The following EPM2A variants were observed in gnomAD, a reference collection of about 807,000 sequenced individuals.
The protein encoded by EPM2A is EPM2A glucan phosphatase, laforin.
A neutral mutation model predicts 26.5 loss-of-function variants in EPM2A; 21 were observed. The ratio of observed to expected loss-of-function variants is 0.79; its 90% confidence interval spans 0.56 to 1.14. The LOEUF is 1.14. EPM2A is among the 50% of genes most tolerant of loss of function. The pLI, the probability that EPM2A is intolerant of heterozygous loss-of-function variation, is 0.00. For synonymous variants in EPM2A, 217 were observed against 177.6 expected, an observed-to-expected ratio of 1.22 and a Z score of -1.76; for missense variants, 458 against 440.8, an observed-to-expected ratio of 1.04 and a Z score of -0.35.
At chr6:145,438,737 G>C (rs1217971003) in intron 4 of EPM2A, among the ~76,000 whole-genome samples, 2 of 152,146 alleles carry the variant, frequency 1.3e-5, no homozygotes, top group Non-Finnish European at 2.9e-5. Flanking sequence ...CTCCCAAAGT[G>C]CTGGGATTAC....
At chr6:145,680,996 A>G (rs1368554330) in intron 2 of EPM2A, among the ~76,000 whole-genome samples, 2 of 151,822 alleles carry the variant, frequency 1.3e-5, no homozygotes, top group Non-Finnish European at 2.9e-5. Flanking sequence ...GAACTAGTTT[A>G]CAGTCCCACC....
Position 145,626,512 on chromosome 6 carries a change from A to G in EPM2A, c.*904T>C. 1.0e-6 allele frequency: 1 copy of G among 985,918 alleles called. No homozygotes were observed. The highest frequency in any genetic ancestry group is 5.2e-4 in the Middle Eastern group (1 of 1,914). The allele number at this position is 985,918 out of a possible 1,614,324, so 61.1% of individuals were successfully genotyped here. A position where few individuals can be genotyped will look rare whatever the true frequency, so the allele number is the denominator to read the frequency against. ...TGGCAACTGATCAGAATACTATTCT[A>G]TGTCTCGCTATAGAAACTCCTGCAG... On this transcript the variant is annotated 3_prime_UTR_variant, in exon 4 of 4. Coordinates refer to ENST00000367519, the MANE Select transcript of EPM2A (RefSeq NM_005670.4).
Position 145,626,602 on chromosome 6 carries a change from T to C in EPM2A, c.*814A>G. On this transcript the variant is annotated 3_prime_UTR_variant, in exon 4 of 4. Coordinates refer to ENST00000367519, the MANE Select transcript of EPM2A (RefSeq NM_005670.4). Reference sequence around the variant, plus strand: ...ACTACATGATGCTGGGAAAACAAGTTGTGATGAAAACAGTGCTGAGTCAAA... The same window carrying C: ...ACTACATGATGCTGGGAAAACAAGTCGTGATGAAAACAGTGCTGAGTCAAA... The C allele has an allele frequency of 1.0e-6, 1 of 985,354 alleles. No homozygotes were observed. The highest frequency in any genetic ancestry group is 1.2e-6 in the Non-Finnish European group (1 of 829,574). The allele number at this position is 985,354 out of a possible 1,614,324, so 61.0% of individuals were successfully genotyped here.
rs560597653 is a variant in EPM2A, at chr6:145,395,343, C to T, written c.556-11246G>A. On this transcript the variant is annotated intron_variant, in intron 4 of 4. Coordinates refer to the EPM2A transcript ENST00000638717. ...TGGGACACCCAAATTATGATCTCCC[C>T]TTTTCCCTTTTTGTCCCAAAACAAG... is the stretch of plus-strand genomic sequence containing the variant. 2.6e-5 allele frequency among the ~76,000 whole-genome samples: 4 copies of T among 152,264 alleles called. No individual in the cohort carries two copies. The East Asian group carries it at 7.8e-4, about 30-fold the overall frequency.
chr6:145,544,206 C>T (rs1780552329), intron 2 of EPM2A, among the ~76,000 whole-genome samples: 1 of 152,118 alleles, frequency 6.6e-6, no homozygotes, highest in Non-Finnish European at 1.5e-5. Flanking sequence ...TAACCTCCAT[C>T]AGAAAGGCCA....
At chr6:145,638,491 C>T (rs975355815) in intron 2 of EPM2A, 2 of 152,190 alleles carry the variant, frequency 1.3e-5, no homozygotes, top group African/African-American at 4.8e-5. Context: ...AGTAGCTTAA[C>T]ACATATATCT....
At chr6:145,588,671 T>C (rs979397350) in intron 2 of EPM2A, among the ~76,000 whole-genome samples, 1 of 152,246 alleles carries the variant, frequency 6.6e-6, no homozygotes, top group Non-Finnish European at 1.5e-5. Context: ...TCATTCAAAC[T>C]ATTTTTGAGC....
chr6:145,548,546 C>T (rs1780614572), intron 2 of EPM2A, among the ~76,000 whole-genome samples: 1 of 151,988 alleles, frequency 6.6e-6, no homozygotes, highest in African/African-American at 2.4e-5. Context: ...AGGTCTAATT[C>T]CAGAATACAT....
intron 4 of EPM2A, among the ~76,000 whole-genome samples, chr6:145,386,112 A>G (rs1173398997): frequency 6.6e-6 from 1 of 152,192 alleles, no homozygotes; most frequent in Non-Finnish European, 1.5e-5. Flanking sequence ...AATAAAAAAA[A>G]GATTTTAGGG....
chr6:145,393,633 C>G (rs1778366258), intron 4 of EPM2A, among the ~76,000 whole-genome samples: 1 of 151,998 alleles, frequency 6.6e-6, no homozygotes, highest in African/African-American at 2.4e-5. Flanking sequence ...CAAATAGATA[C>G]TGGGGCCACT....
intron 2 of EPM2A, among the ~76,000 whole-genome samples, chr6:145,611,938 T>C (rs55813779): frequency 0.067 from 10,208 of 152,222 alleles, 1,148 homozygotes; most frequent in African/African-American, 0.23. Flanking sequence ...ACTCTATTCT[T>C]GCTTAATGAT....
chr6:145,735,279 C>T lies in EPM2A; in HGVS notation c.220G>A (p.Asp74Asn). The change falls in exon 1 of 4, where the codon GAC (aspartate) becomes AAC (asparagine). Residue 74 changes from aspartate (D) to asparagine (N), a missense_variant. Asp to Asn is a conservative substitution (Grantham distance 23, BLOSUM62 1). Coordinates refer to ENST00000367519, the MANE Select transcript of EPM2A (RefSeq NM_005670.4). ...VELAAEEAAQ[D>N]GAEPGRVDTF... ...TCCACGCGGCCCGGCTCCGCCCCGT[C>T]CTGCGCCGCCTCCTCGGCCGCCAGC... 2 of 1,498,112 alleles carry T rather than the reference C, an allele frequency of 1.3e-6. No individual in the cohort carries two copies. The highest frequency in any genetic ancestry group is 1.2e-5 in the South Asian group (1 of 80,558). 92.8% of individuals were successfully genotyped at this position (1,498,112 alleles called of 1,614,324 possible).
At chr6:145,592,137 T>A (rs1387022135) in intron 2 of EPM2A, among the ~76,000 whole-genome samples, 1 of 149,966 alleles carries the variant, frequency 6.7e-6, no homozygotes, top group East Asian at 2.0e-4. Flanking sequence ...ATTAGGTATA[T>A]CTCCTAATGC....
chr6:145,498,330 C>A (rs1368704426), downstream of EPM2A, among the ~76,000 whole-genome samples: 1 of 152,198 alleles, frequency 6.6e-6, no homozygotes, highest in African/African-American at 2.4e-5. Context: ...TGCTTGGACC[C>A]CTGGATTCCA....
intron 4 of EPM2A, among the ~76,000 whole-genome samples, chr6:145,440,663 G>A (rs1478798036): frequency 2.0e-5 from 3 of 152,186 alleles, no homozygotes; most frequent in Non-Finnish European, 2.9e-5. Context: ...TTCCAAATGG[G>A]AGAAACTGGT....
At chr6:145,700,856 T>C (rs1781871805) in intron 1 of EPM2A, among the ~76,000 whole-genome samples, 1 of 152,192 alleles carries the variant, frequency 6.6e-6, no homozygotes, top group Admixed American at 6.5e-5. Context: ...AGTAAAACAC[T>C]CCCTTGAGCT....
chr6:145,671,786 A>C (rs1779663115), intron 2 of EPM2A, among the ~76,000 whole-genome samples: 1 of 152,214 alleles, frequency 6.6e-6, no homozygotes, highest in Non-Finnish European at 1.5e-5. Context: ...GAGTTTCAAA[A>C]TTTACTGTAT....
intron 1 of EPM2A, among the ~76,000 whole-genome samples, chr6:145,710,102 C>A (rs1054178620): frequency 6.6e-6 from 1 of 151,926 alleles, no homozygotes; most frequent in Admixed American, 6.6e-5. Context: ...GCAACAAAAG[C>A]CAAAATTGAC....
intron 1 of EPM2A, among the ~76,000 whole-genome samples, chr6:145,701,395 T>C (rs1415744): frequency 0.54 from 82,862 of 152,054 alleles, 23,158 homozygotes; most frequent in East Asian, 0.74. Flanking sequence ...GTCAAGCTTC[T>C]AACCTGATGT....
Sources: allele counts gnomAD v4.1 joint callset (sites outside exome capture counted in the v4.1 genomes callset), GRCh38; gene constraint gnomAD v4.1.1; transcripts MANE v1.5; gene names NCBI Gene and HGNC (gene_info 2026-07-23, HGNC 2026-07-21).